The following DIS3 variants were observed in gnomAD, a reference collection of about 807,000 sequenced individuals.
DIS3 encodes exosome complex exonuclease RRP44.
DIS3 carries 103 observed loss-of-function variants against 113.0 expected under a neutral mutation model. The ratio of observed to expected loss-of-function variants is 0.91; its 90% CI spans 0.78 to 1.07. The LOEUF is 1.07. DIS3 is among the 50% of genes least tolerant of loss of function. The pLI, the probability that DIS3 is intolerant of heterozygous loss-of-function variation, is 0.00. For synonymous variants in DIS3, 402 were observed against 394.3 expected (o/e 1.02, Z -0.23); for missense variants, 1,121 against 1,167.1 (o/e 0.96, Z 0.58).
intron 2 of DIS3, 110 bp from the exon 3 acceptor site, chr13:72,778,490 A>G (rs955046088): frequency 2.6e-6 from 2 of 777,562 alleles, no homozygotes; most frequent in Non-Finnish European, 3.8e-6. Context: ...TCAATGGTAT[A>G]TCTTTTCTCT....
chr13:72,769,566 G>GGT (rs2033837658), intron 13 of DIS3, among the ~76,000 whole-genome samples: 1 of 150,672 alleles, frequency 6.6e-6, no homozygotes, highest in Non-Finnish European at 1.5e-5. Flanking sequence ...AACAGAGTTA[G>GGT]ATAACGCAGG....
chr13:72,754,940 C>G lies in DIS3; in HGVS notation c.*4855G>C. 2 of 487,274 alleles carry G rather than the reference C, an allele frequency of 4.1e-6. No individual in the cohort carries two copies. The highest frequency in any genetic ancestry group is 7.3e-6 in the Non-Finnish European group (2 of 272,194). 30.2% of individuals were successfully genotyped at this position (487,274 alleles called of 1,614,324 possible). A position where few individuals can be genotyped will look rare whatever the true frequency, so the allele number is the denominator to read the frequency against. On this transcript the variant is annotated 3_prime_UTR_variant, in exon 21 of 21. Coordinates refer to ENST00000377767, the MANE Select transcript of DIS3 (RefSeq NM_014953.5). ...TGTTGCCAGGGCTAGTCCCAAACTCCTGGGCTCGTGCGATCCTCCCACCTT... is the reference window on the plus strand; with the variant it reads ...TGTTGCCAGGGCTAGTCCCAAACTCGTGGGCTCGTGCGATCCTCCCACCTT...
At position 72,753,695 on chromosome 13, in the gene DIS3, T is replaced by G. The variant is rs2033346094; in HGVS notation, c.*6100A>C. 6.2e-7 allele frequency: 1 copy of G among 1,609,612 alleles called. No individual in the cohort carries two copies. The highest frequency in any genetic ancestry group is 8.5e-7 in the Non-Finnish European group (1 of 1,178,492). Reference sequence around the variant, plus strand: ...TTTCTTTTTTCTCCTGTCAGATGGATAGTGGCTATAATACGCAGAATTGTG... The same window carrying G: ...TTTCTTTTTTCTCCTGTCAGATGGAGAGTGGCTATAATACGCAGAATTGTG... On this transcript the variant is annotated 3_prime_UTR_variant, in exon 21 of 21. Coordinates refer to ENST00000377767, the MANE Select transcript of DIS3 (RefSeq NM_014953.5).
chr13:72,769,484 T>A (rs1045978974), intron 13 of DIS3, among the ~76,000 whole-genome samples: 3 of 150,720 alleles, frequency 2.0e-5, no homozygotes, highest in African/African-American at 4.9e-5. Flanking sequence ...GAGAAATCCA[T>A]CATTTTTTTT....
At chr13:72,779,388 G>A (rs1396057462) in intron 2 of DIS3, among the ~76,000 whole-genome samples, 2 of 152,102 alleles carry the variant, frequency 1.3e-5, no homozygotes, top group Admixed American at 6.6e-5. Context: ...AAAGTGCCAG[G>A]ATTACAGACA....
chr13:72,781,180 C>T (rs1425894397), intron 1 of DIS3, 177 bp from the exon 2 acceptor site: 9 of 1,420,190 alleles, frequency 6.3e-6, no homozygotes, highest in Non-Finnish European at 7.8e-6. Context: ...CCCTTCAGAT[C>T]TATTAAAAAA....
chr13:72,771,396 C>T (rs1357266623), intron 11 of DIS3, among the ~76,000 whole-genome samples: 1 of 152,166 alleles, frequency 6.6e-6, no homozygotes, highest in Non-Finnish European at 1.5e-5. Context: ...AAGCCCTCTA[C>T]ACTAACGACC....
intron 4 of DIS3, 93 bp downstream of exon 4, chr13:72,777,327 C>T (rs1378289785): frequency 8.1e-7 from 1 of 1,227,020 alleles, no homozygotes; most frequent in African/African-American, 1.5e-5. Flanking sequence ...TACCCACCGA[C>T]ATTCCAATTT....
At chr13:72,761,088 T>C (rs1321581672) in intron 19 of DIS3, among the ~76,000 whole-genome samples, 1 of 152,142 alleles carries the variant, frequency 6.6e-6, no homozygotes, top group Non-Finnish European at 1.5e-5. Flanking sequence ...TAAAGAGTCA[T>C]TTATTGTTCC....
Position 72,776,056 on chromosome 13 carries a change from GCTCTGAAAATATTATTTTT to G in DIS3, c.672_690del (p.Lys225IlefsTer4). On this transcript the variant is annotated frameshift_variant, in exon 5 of 21. Coordinates refer to ENST00000377767, the MANE Select transcript of DIS3 (RefSeq NM_014953.5). LOFTEE classifies it high-confidence loss of function. ...TGCTGTAGCTTACTTAAGGGAAGAT[GCTCTGAAAATATTATTTTT>G]CCACTTTCTATTTCATTCTATGAAA... 6.3e-7 allele frequency: 1 copy of G among 1,598,248 alleles called. No individual in the cohort carries two copies.
rs773244701 is a variant in DIS3 at position 72,773,827 on chromosome 13, A to G, written c.1102-6T>C. Reference sequence around the variant, plus strand: ...GTAAAGAGATGTCTTCTTGACTAGCAAAAATTAGGAATAAAGATTTTACAC... The same window carrying G: ...GTAAAGAGATGTCTTCTTGACTAGCGAAAATTAGGAATAAAGATTTTACAC... On this transcript the variant is annotated splice_region_variant and splice_polypyrimidine_tract_variant and intron_variant, in intron 7 of 20. Transcript: ENST00000377767. 2.5e-6 allele frequency: 4 copies of G among 1,601,836 alleles called. No homozygotes were observed. The highest frequency in any genetic ancestry group is 2.5e-6 in the Non-Finnish European group (3 of 1,177,124).
At position 72,770,279 on chromosome 13, in the gene DIS3, T is replaced by C. The variant is rs1235903847; in HGVS notation, c.1755+625A>G. Among the ~76,000 whole-genome samples, 4 of 152,008 alleles carry C rather than the reference T, an allele frequency of 2.6e-5. No homozygotes were observed. In the East Asian group the frequency reaches 5.8e-4, roughly 22 times the overall value. ...CACATCAAAAATTATCTGCTTATAA[T>C]TGGAAAAAAAAAACCCTCAAAATTT... On this transcript the variant is annotated intron_variant, in intron 13 of 20. Transcript: ENST00000377767.
chr13:72,773,887 T>C (rs2033946258), intron 7 of DIS3, 59 bp downstream of exon 7: 9 of 1,591,656 alleles, frequency 5.7e-6, no homozygotes, highest in Admixed American at 1.8e-5. Flanking sequence ...AAAGAAAGGC[T>C]ATAAGTTCTA....
chr13:72,762,071 T>G lies in DIS3; in HGVS notation c.2194A>C (p.Thr732Pro). 1 of 1,614,072 alleles carries G rather than the reference T, an allele frequency of 6.2e-7. No individual in the cohort carries two copies. The highest frequency in any genetic ancestry group is 8.5e-7 in the Non-Finnish European group (1 of 1,179,998). Residue 732 changes from threonine to proline, a missense_variant, in exon 17 of 21, where the codon ACT becomes CCT. Thr to Pro is a conservative substitution (Grantham distance 38, BLOSUM62 -1). Coordinates refer to ENST00000377767, the MANE Select transcript of DIS3 (RefSeq NM_014953.5). ...AESLDQAESP[T>P]FPYLNTLLRI... Reference sequence around the variant, plus strand: ...AACAGAGTGTTTAGATATGGAAAAGTAGGAGATTCGGCCTGATCCAAAGAC... The same window carrying G: ...AACAGAGTGTTTAGATATGGAAAAGGAGGAGATTCGGCCTGATCCAAAGAC...
intron 2 of DIS3, 26 bp downstream of exon 2, chr13:72,780,820 G>A: frequency 4.3e-5 from 68 of 1,566,954 alleles, no homozygotes; most frequent in Non-Finnish European, 5.7e-5. Context: ...GTGGTTTTCT[G>A]ATATTTAACG....
rs767778769 is a variant in DIS3, at chr13:72,768,845, G to C, written c.1823C>G (p.Thr608Ser). Residue 608 changes from threonine (T) to serine (S), a missense_variant, in exon 14 of 21, where the codon ACT becomes AGT. Thr to Ser is a moderately conservative substitution (Grantham distance 58). Around this residue, in one of 3 missense-constraint regions of DIS3, gnomAD observed 861 missense variants for 915.5 expected, o/e 0.94. Coordinates refer to ENST00000377767, the MANE Select transcript of DIS3 (RefSeq NM_014953.5). ...TAGTTTATTCAGTCCACGGAGACTA[G>C]TGGTAATATCATCATTCATGTTTGC... ...DSANMNDDIT[T>S]SLRGLNKLAK... 6.8e-6 allele frequency: 11 copies of C among 1,608,692 alleles called. No homozygotes were observed. The highest frequency in any genetic ancestry group is 9.4e-6 in the Non-Finnish European group (11 of 1,175,606).
Position 72,761,754 on chromosome 13 carries a change from A to G in DIS3, c.2403T>C (p.Tyr801=), listed in dbSNP as rs762234774. ...LAVAIGADCT[Y]PELTDKHKLA... ...GCTTGTGTTTGTCTGTCAACTCTGG[A>G]TAAGTACAGTCAGCCCCAATAGCCA... The change falls in exon 18 of 21, where the codon TAT becomes TAC. Residue 801 remains tyrosine (Y), a synonymous_variant. Coordinates refer to ENST00000377767, the MANE Select transcript of DIS3 (RefSeq NM_014953.5). The G allele has an allele frequency of 3.0e-5, 49 of 1,613,784 alleles. No individual in the cohort carries two copies. Among genetic ancestry groups the G allele is most frequent in the Non-Finnish European group, 4.1e-5 (48 of 1,180,002 alleles).
In DIS3 at chr13:72,768,887, T is replaced by A. The variant is rs1188789157; in HGVS notation, c.1781A>T (p.Gln594Leu). The stretch of plus-strand genomic sequence containing the variant: ...CATGTTTGCTGAATCAATTCTCAAC[T>A]GAGCTTCAGCATACGTCAGAGATGC... ...SKASLTYAEA[Q>L]LRIDSANMND... Residue 594 changes from glutamine (Q) to leucine (L), a missense_variant, in exon 14 of 21, where the codon CAG (glutamine) becomes CTG (leucine). Around this residue, in one of 3 missense-constraint regions of DIS3, gnomAD observed 861 missense variants for 915.5 expected, o/e 0.94. Coordinates refer to ENST00000377767, the MANE Select transcript of DIS3 (RefSeq NM_014953.5). 1.3e-6 allele frequency: 2 copies of A among 1,599,898 alleles called. No homozygotes were observed. The highest frequency in any genetic ancestry group is 2.2e-5 in the East Asian group (1 of 44,672).
Position 72,773,997 on chromosome 13 carries a change from T to C in DIS3, c.1050A>G (p.Lys350=), listed in dbSNP as rs773940973. Residue 350 remains lysine (K), a synonymous_variant, in exon 7 of 21, where the codon AAA becomes AAG. Coordinates refer to ENST00000377767, the MANE Select transcript of DIS3 (RefSeq NM_014953.5). ...TGCCACAATATGGTCTCCAATTCCT[T>C]TTTATTATTCCTACAACTCTACCTG... ...KPTGRVVGII[K]RNWRPYCGML... The C allele has an allele frequency of 6.8e-6, 11 of 1,612,826 alleles. No individual in the cohort carries two copies. In the South Asian group the frequency reaches 1.1e-4, roughly 16 times the overall value.
Sources: gnomAD v4.1 joint callset for allele counts (sites outside exome capture counted in the v4.1 genomes callset) on GRCh38, gnomAD v4.1.1 for gene constraint, gnomAD v4.1.1 regional missense constraint, MANE v1.5 for transcripts, NCBI Gene and HGNC (gene_info 2026-07-23, HGNC 2026-07-21) for gene names.